Variants in DGKB observed in about 807,000 individuals in gnomAD.
The protein encoded by DGKB is 90 kDa diacylglycerol kinase.
A neutral mutation model predicts 114.3 loss-of-function variants in DGKB; 67 were observed. That is an observed-to-expected ratio of 0.59 (90% CI 0.48 to 0.72). The LOEUF (loss-of-function observed/expected upper bound fraction) is 0.72, where lower values mean the gene tolerates loss of function less well. DGKB is among the 30% of genes least tolerant of loss of function. The pLI is 0.00. For synonymous variants in DGKB, 398 were observed against 323.1 expected (o/e 1.23, Z -2.49); for missense variants, 907 against 975.2 (o/e 0.93, Z 0.93).
chr7:14,514,430 A>G (rs1788454530), intron 20 of DGKB, among the ~76,000 whole-genome samples: 1 of 152,178 alleles, frequency 6.6e-6, no homozygotes, highest in African/African-American at 2.4e-5. Context: ...TAGAATAATC[A>G]GTTGCATTAT....
chr7:14,618,294 T>C (rs929433998), intron 15 of DGKB, among the ~76,000 whole-genome samples: 2 of 151,550 alleles, frequency 1.3e-5, no homozygotes, highest in African/African-American at 4.8e-5. Context: ...GAAGATAAAA[T>C]AAAGAGGCAG....
chr7:14,517,815 A>G (rs1282191108), intron 20 of DGKB, among the ~76,000 whole-genome samples: 2 of 152,064 alleles, frequency 1.3e-5, no homozygotes, highest in Admixed American at 6.6e-5. Context: ...AAAGTAACAG[A>G]TGCTGGCGAG....
intron 1 of DGKB, among the ~76,000 whole-genome samples, chr7:14,951,926 GA>G (rs1415422525): frequency 2.0e-5 from 3 of 151,834 alleles, no homozygotes; most frequent in Non-Finnish European, 4.4e-5. Context: ...TAAATAAAAG[GA>G]AAGATATGCT....
At chr7:14,561,629 A>G (rs1342170885) in intron 20 of DGKB, among the ~76,000 whole-genome samples, 1 of 152,178 alleles carries the variant, frequency 6.6e-6, no homozygotes, top group Non-Finnish European at 1.5e-5. Context: ...AAACTTGGGA[A>G]CTGGAGCAAT....
intron 2 of DGKB, among the ~76,000 whole-genome samples, chr7:14,767,900 A>G (rs1836708370): frequency 6.6e-6 from 1 of 151,954 alleles, no homozygotes; most frequent in South Asian, 2.1e-4. Flanking sequence ...GGCAAACCAA[A>G]CATTCTGGCA....
At chr7:14,388,493 AC>A (rs1271598586) in intron 21 of DGKB, among the ~76,000 whole-genome samples, 1 of 150,228 alleles carries the variant, frequency 6.7e-6, no homozygotes, top group Non-Finnish European at 1.5e-5. Context: ...TACTAAAAAG[AC>A]AACAGTGCTG....
At position 14,575,710 on chromosome 7, in the gene DGKB, G is replaced by A. The variant is rs569720932; in HGVS notation, c.1610-1338C>T. Among the ~76,000 whole-genome samples the A allele has an allele frequency of 4.6e-5, 7 of 152,198 alleles. No homozygotes were observed. The South Asian group carries it at 1.5e-3, about 32-fold the overall frequency. ...CATCTCTCTTTTCACCCACACAAAAGCACACACATAGTCCTAAAATGATTA... is the reference window on the plus strand; with the variant it reads ...CATCTCTCTTTTCACCCACACAAAAACACACACATAGTCCTAAAATGATTA... On this transcript the variant is annotated intron_variant, in intron 19 of 25. Transcript: ENST00000402815.
At chr7:14,165,343 T>C (rs1784463984) in intron 25 of DGKB, among the ~76,000 whole-genome samples, 1 of 152,170 alleles carries the variant, frequency 6.6e-6, no homozygotes, top group South Asian at 2.1e-4. Context: ...GTGGTAAGGT[T>C]GTACAACTTA....
chr7:14,937,007 G>A (rs1785302692), intron 1 of DGKB, among the ~76,000 whole-genome samples: 1 of 143,720 alleles, frequency 7.0e-6, no homozygotes, highest in Middle Eastern at 3.6e-3. Flanking sequence ...AGCTATTGAT[G>A]TGATTATGTC....
intron 1 of DGKB, among the ~76,000 whole-genome samples, chr7:14,947,465 T>A (rs1785947139): frequency 6.6e-6 from 1 of 151,732 alleles, no homozygotes; most frequent in African/African-American, 2.4e-5. Flanking sequence ...ACATAGAAAT[T>A]ATACATATCT....
At chr7:14,372,118 A>G (rs1817756110) in intron 21 of DGKB, among the ~76,000 whole-genome samples, 1 of 152,042 alleles carries the variant, frequency 6.6e-6, no homozygotes, top group Non-Finnish European at 1.5e-5. Context: ...GGAGAAACAA[A>G]ATGCTCTTCC....
intron 1 of DGKB, among the ~76,000 whole-genome samples, chr7:14,919,917 C>T (rs1488312017): frequency 6.6e-6 from 1 of 152,096 alleles, no homozygotes; most frequent in Non-Finnish European, 1.5e-5. Flanking sequence ...TTCCTGAGGC[C>T]CTCGCCAGAA....
intron 23 of DGKB, among the ~76,000 whole-genome samples, chr7:14,315,360 C>A: frequency 6.7e-6 from 1 of 148,958 alleles, no homozygotes; most frequent in South Asian, 2.2e-4. Flanking sequence ...GAGTCAAGAC[C>A]CATCAGTGTG....
intron 4 of DGKB, among the ~76,000 whole-genome samples, chr7:14,740,160 C>T (rs1316219307): frequency 6.6e-6 from 1 of 152,042 alleles, no homozygotes; most frequent in Non-Finnish European, 1.5e-5. Context: ...CTCAGTGGGA[C>T]AACAATTAAG....
intron 1 of DGKB, among the ~76,000 whole-genome samples, chr7:14,947,391 A>G (rs1048373619): frequency 3.3e-5 from 5 of 151,694 alleles, no homozygotes; most frequent in Non-Finnish European, 7.4e-5. Flanking sequence ...TGGTTGAATT[A>G]TTGTCGACAT....
chr7:14,247,313 C>T (rs1362149189), intron 23 of DGKB, among the ~76,000 whole-genome samples: 2 of 152,118 alleles, frequency 1.3e-5, no homozygotes, highest in African/African-American at 4.8e-5. Flanking sequence ...CGGCAATGAA[C>T]ATGAGAGTAC....
intron 21 of DGKB, among the ~76,000 whole-genome samples, chr7:14,350,617 T>C (rs942869159): frequency 6.6e-6 from 1 of 151,664 alleles, no homozygotes; most frequent in South Asian, 2.1e-4. Context: ...ATTTTACAGG[T>C]GCATTTGTTT....
chr7:14,622,771 C>G (rs960757532), intron 14 of DGKB, among the ~76,000 whole-genome samples: 1 of 152,074 alleles, frequency 6.6e-6, no homozygotes, highest in African/African-American at 2.4e-5. Flanking sequence ...TTACCCTACT[C>G]CAGCTGCACT....
intron 23 of DGKB, among the ~76,000 whole-genome samples, chr7:14,331,114 T>TA (rs1031456143): frequency 2.4e-4 from 37 of 152,150 alleles, no homozygotes; most frequent in African/African-American, 7.5e-4. Flanking sequence ...TTACCATTGC[T>TA]AAAAAATTTC....
Sources: gnomAD v4.1 joint callset for allele counts (sites outside exome capture counted in the v4.1 genomes callset) on GRCh38, gnomAD v4.1.1 for gene constraint, MANE v1.5 for transcripts, NCBI Gene and HGNC (gene_info 2026-07-23, HGNC 2026-07-21) for gene names.